Variants in GABRG3 observed in about 807,000 individuals in gnomAD.
The protein encoded by GABRG3 is gamma-aminobutyric acid type A receptor subunit gamma3, also known as gamma-aminobutyric acid receptor subunit gamma-3.
Under a neutral mutation model 48.8 loss-of-function variants are expected in GABRG3, and 25 were observed. The observed-to-expected ratio is 0.51, with a 90% confidence interval of 0.37 to 0.72. The LOEUF (loss-of-function observed/expected upper bound fraction) is 0.72, where lower values mean the gene tolerates loss of function less well. Among genes scored for constraint, GABRG3 ranks in the 30% least tolerant of loss-of-function variants. The pLI is 0.00. For synonymous variants in GABRG3, 227 were observed against 217.6 expected, an observed-to-expected ratio of 1.04 and a Z score of -0.38; for missense variants, 394 against 577.9, an observed-to-expected ratio of 0.68 and a Z score of 3.26.
chr15:27,351,036 A>G (rs1207543704), intron 5 of GABRG3, among the ~76,000 whole-genome samples: 1 of 141,994 alleles, frequency 7.0e-6, no homozygotes, highest in Non-Finnish European at 1.5e-5. Flanking sequence ...GTTTGTGTGT[A>G]TGGTGTATGT....
intron 3 of GABRG3, among the ~76,000 whole-genome samples, chr15:27,212,639 C>T (rs1394625086): frequency 2.6e-5 from 4 of 152,164 alleles, no homozygotes; most frequent in Non-Finnish European, 4.4e-5. Context: ...AGCACATTCA[C>T]GTTGTCGTAC....
intron 2 of GABRG3, among the ~76,000 whole-genome samples, chr15:27,025,297 G>C (rs191824569): frequency 7.2e-4 from 109 of 152,292 alleles, no homozygotes; most frequent in Non-Finnish European, 1.2e-4. Flanking sequence ...CTAAATGTAG[G>C]TCCTTAACCA....
chr15:27,175,190 A>G (rs1053703380), intron 3 of GABRG3, among the ~76,000 whole-genome samples: 1 of 152,080 alleles, frequency 6.6e-6, no homozygotes, highest in Non-Finnish European at 1.5e-5. Flanking sequence ...GCCCTGCTCG[A>G]GGAAGGTCCT....
At chr15:27,218,635 G>C (rs2140439278) in intron 3 of GABRG3, among the ~76,000 whole-genome samples, 1 of 152,280 alleles carries the variant, frequency 6.6e-6, no homozygotes, top group Admixed American at 6.5e-5. Context: ...GATGCCTCCT[G>C]TCCCTGCTGA....
chr15:27,101,628 A>G lies in GABRG3; in HGVS notation c.270+74807A>G, dbSNP rs867752210. Reference sequence around the variant, plus strand: ...GGAGAATCCAGAAATGAACCCATGCAATTACATCGACCTGTTTACTGACAA... The same window carrying G: ...GGAGAATCCAGAAATGAACCCATGCGATTACATCGACCTGTTTACTGACAA... On this transcript the variant is annotated intron_variant, in intron 3 of 9. Coordinates refer to ENST00000615808, the MANE Select transcript of GABRG3 (RefSeq NM_033223.5). Among the ~76,000 whole-genome samples the G allele has an allele frequency of 3.2e-4, 48 of 152,312 alleles. 1 individual carries two copies. Among genetic ancestry groups the G allele is most frequent in the African/African-American group, 9.4e-4 (39 of 41,578 alleles).
At chr15:27,369,705 G>A (rs576675507) in intron 5 of GABRG3, among the ~76,000 whole-genome samples, 5 of 151,294 alleles carry the variant, frequency 3.3e-5, no homozygotes, top group Admixed American at 6.6e-5. Flanking sequence ...TACTCAGGAG[G>A]CTGAGGCAGG....
chr15:27,303,620 A>G (rs1008151357), intron 3 of GABRG3, among the ~76,000 whole-genome samples: 1 of 151,776 alleles, frequency 6.6e-6, no homozygotes, highest in African/African-American at 2.4e-5. Context: ...AACTCATTTT[A>G]TGAGGCTGGC....
chr15:27,192,486 C>T (rs902398454), intron 3 of GABRG3, among the ~76,000 whole-genome samples: 18 of 152,138 alleles, frequency 1.2e-4, no homozygotes, highest in Admixed American at 4.6e-4. Context: ...CATCTTCCAT[C>T]GCTGATACCC....
At chr15:27,158,245 TAGG>T (rs919752003) in intron 3 of GABRG3, 11 of 152,222 alleles carry the variant, frequency 7.2e-5, no homozygotes, top group African/African-American at 2.6e-4. Context: ...GACAGAGAAA[TAGG>T]AGGAAGATAA....
At chr15:27,360,864 G>A (rs1243291468) in intron 5 of GABRG3, among the ~76,000 whole-genome samples, 3 of 152,214 alleles carry the variant, frequency 2.0e-5, no homozygotes, top group African/African-American at 7.2e-5. Context: ...GCTCTCTGAC[G>A]GCACTGTCTG....
chr15:27,335,708 T>C (rs1235282015), intron 5 of GABRG3, among the ~76,000 whole-genome samples: 1 of 151,878 alleles, frequency 6.6e-6, no homozygotes, highest in East Asian at 1.9e-4. Context: ...AGAGCTTCTG[T>C]GTGGGAGGAT....
At chr15:27,337,749 G>T (rs1246213110) in intron 5 of GABRG3, among the ~76,000 whole-genome samples, 2 of 151,916 alleles carry the variant, frequency 1.3e-5, no homozygotes, top group Non-Finnish European at 2.9e-5. Flanking sequence ...TTCCAGATTT[G>T]AAATCCAACT....
chr15:27,132,509 T>A (rs141883626), intron 3 of GABRG3, among the ~76,000 whole-genome samples: 3,112 of 144,214 alleles, frequency 0.022, 128 homozygotes, highest in African/African-American at 0.077. Flanking sequence ...TTGTGGCTTA[T>A]TTTCTTTTTC....
chr15:27,468,733 T>C (rs1889692775), intron 5 of GABRG3, among the ~76,000 whole-genome samples: 1 of 152,170 alleles, frequency 6.6e-6, no homozygotes, highest in South Asian at 2.1e-4. Flanking sequence ...TCAAGAGTAG[T>C]GATGCTGGCA....
At chr15:27,369,806 C>CAAAAAAAAAAAAAAAAAAA (rs34901488) in intron 5 of GABRG3, among the ~76,000 whole-genome samples, 6 of 30,272 alleles carry the variant, frequency 2.0e-4, no homozygotes, top group African/African-American at 5.4e-4. Context: ...GACTCCGTCT[C>CAAAAAAAAAAAAAAAAAAA]AAAAAAAAAA....
Position 27,520,010 on chromosome 15 carries a change from A to G in GABRG3, c.751A>G (p.Arg251Gly). 1 of 1,578,864 alleles carries G rather than the reference A, an allele frequency of 6.3e-7. No homozygotes were observed. The highest frequency in any genetic ancestry group is 8.6e-7 in the Non-Finnish European group (1 of 1,159,902). The change falls in exon 7 of 10, where the codon AGA becomes GGA. Residue 251 changes from arginine (R) to glycine (G), a missense_variant. Arg to Gly is a moderately radical substitution (Grantham distance 125, BLOSUM62 -2). Coordinates refer to ENST00000615808, the MANE Select transcript of GABRG3 (RefSeq NM_033223.5). ...CATGACTATATATTTTGAATTGAGT[A>G]GAAGAATGGGATACTTCACCATTCA... ...VVMTIYFELS[R>G]RMGYFTIQTY...
intron 3 of GABRG3, among the ~76,000 whole-genome samples, chr15:27,043,418 A>C (rs61335907): frequency 0.015 from 2,294 of 152,310 alleles, 53 homozygotes; most frequent in African/African-American, 0.052. Flanking sequence ...CAGCAAACTG[A>C]ACTCTGAAAC....
intron 3 of GABRG3, among the ~76,000 whole-genome samples, chr15:27,152,619 ATCTG>A (rs1180420000): frequency 3.3e-5 from 5 of 152,312 alleles, no homozygotes; most frequent in Non-Finnish European, 7.4e-5. Context: ...CATAAAAACC[ATCTG>A]TCTTTCAGTG....
intron 3 of GABRG3, among the ~76,000 whole-genome samples, chr15:27,208,850 A>C (rs1352232625): frequency 6.6e-6 from 1 of 152,244 alleles, no homozygotes; most frequent in Admixed American, 6.5e-5. Context: ...TACGGATTCT[A>C]TGCAAAGAAA....
Sources: allele counts gnomAD v4.1 joint callset (sites outside exome capture counted in the v4.1 genomes callset), GRCh38; gene constraint gnomAD v4.1.1; transcripts MANE v1.5; gene names NCBI Gene and HGNC (gene_info 2026-07-23, HGNC 2026-07-21).